The following LRP6 variants were observed in gnomAD, a reference collection of about 807,000 sequenced individuals.
LRP6 encodes the protein LDL receptor related protein 6.
A neutral mutation model predicts 184.1 loss-of-function variants in LRP6; 43 were observed. That is an observed-to-expected ratio of 0.23 (90% CI 0.18 to 0.30). The LOEUF is 0.30. Ranked by LOEUF, LRP6 falls within the 10% of genes least tolerant of loss-of-function variation. The pLI, the probability that LRP6 is intolerant of heterozygous loss-of-function variation, is 1.00. For synonymous variants in LRP6, 719 were observed against 684.9 expected, an observed-to-expected ratio of 1.05 and a Z score of -0.78; for missense variants, 1,571 against 2,005.3, an observed-to-expected ratio of 0.78 and a Z score of 4.14.
At chr12:12,168,033 GTAAC>G (rs1357927990) in intron 7 of LRP6, among the ~76,000 whole-genome samples, 1 of 152,032 alleles carries the variant, frequency 6.6e-6, no homozygotes, top group African/African-American at 2.4e-5. Context: ...TAGATATAAA[GTAAC>G]TAAAACAGTA....
intron 7 of LRP6, among the ~76,000 whole-genome samples, chr12:12,173,118 C>A (rs1395171443): frequency 1.3e-5 from 2 of 152,158 alleles, no homozygotes; most frequent in Non-Finnish European, 2.9e-5. Flanking sequence ...CTTTCTAAAA[C>A]CTGAATTACT....
At chr12:12,192,815 A>C (rs920294210) in intron 3 of LRP6, among the ~76,000 whole-genome samples, 2 of 152,056 alleles carry the variant, frequency 1.3e-5, no homozygotes, top group Admixed American at 1.3e-4. Flanking sequence ...CCCTATTCTC[A>C]CTAAAGGAAA....
chr12:12,206,391 A>T (rs1246500561), intron 2 of LRP6, among the ~76,000 whole-genome samples: 2 of 151,934 alleles, frequency 1.3e-5, no homozygotes, highest in African/African-American at 4.8e-5. Context: ...AAATACAAAA[A>T]AATTAGCCAG....
chr12:12,200,266 G>C (rs1361783450), intron 3 of LRP6, among the ~76,000 whole-genome samples: 1 of 152,106 alleles, frequency 6.6e-6, no homozygotes, highest in African/African-American at 2.4e-5. Context: ...CTGGAGAATG[G>C]AATCCACATT....
intron 2 of LRP6, 45 bp downstream of exon 2, chr12:12,244,217 C>T (rs768422994): frequency 8.1e-6 from 13 of 1,607,662 alleles, no homozygotes; most frequent in Admixed American, 1.7e-5. Flanking sequence ...TGGAGAAAAA[C>T]CGAAAGGAGG....
chr12:12,207,337 T>C (rs188891845), intron 2 of LRP6, among the ~76,000 whole-genome samples: 2 of 139,092 alleles, frequency 1.4e-5, no homozygotes, highest in African/African-American at 5.5e-5. Flanking sequence ...GCCAACATGG[T>C]AAAAACCCTG....
At chr12:12,151,629 C>A (rs1313985200) in intron 12 of LRP6, among the ~76,000 whole-genome samples, 5 of 152,106 alleles carry the variant, frequency 3.3e-5, no homozygotes, top group Non-Finnish European at 7.4e-5. Flanking sequence ...AAGAATTTTA[C>A]AACGTATATG....
chr12:12,155,788 T>C (rs965612173), intron 12 of LRP6: 2 of 785,054 alleles, frequency 2.5e-6, no homozygotes, highest in African/African-American at 3.6e-5. Flanking sequence ...GTTAAAAAAA[T>C]AAAAGACTTC....
At chr12:12,228,504 T>A (rs572231666) in intron 2 of LRP6, among the ~76,000 whole-genome samples, 1 of 152,284 alleles carries the variant, frequency 6.6e-6, no homozygotes, top group African/African-American at 2.4e-5. Flanking sequence ...GACTGTGCCC[T>A]TCTCTAGTGC....
At chr12:12,221,709 C>T (rs1864494939) in intron 2 of LRP6, among the ~76,000 whole-genome samples, 1 of 152,172 alleles carries the variant, frequency 6.6e-6, no homozygotes, top group South Asian at 2.1e-4. Flanking sequence ...TTCTCAAGCA[C>T]CTGTTTATCC....
intron 3 of LRP6, among the ~76,000 whole-genome samples, chr12:12,196,615 A>G (rs1863770169): frequency 6.6e-6 from 1 of 151,480 alleles, no homozygotes; most frequent in Non-Finnish European, 1.5e-5. Flanking sequence ...TAGAGCGTTC[A>G]AGTCTCTTTT....
At chr12:12,165,395 C>T (rs1862853416) in intron 7 of LRP6, 100 bp from the exon 8 acceptor site, 1 of 835,936 alleles carries the variant, frequency 1.2e-6, no homozygotes, top group Admixed American at 1.7e-5. Context: ...ATCCAAGAGT[C>T]ATCTTGGTAT....
intron 1 of LRP6, among the ~76,000 whole-genome samples, chr12:12,261,826 G>A (rs960300699): frequency 6.6e-6 from 1 of 152,096 alleles, no homozygotes; most frequent in African/African-American, 2.4e-5. Context: ...TTTAAAGGAA[G>A]AAAGGATCGC....
intron 20 of LRP6, among the ~76,000 whole-genome samples, chr12:12,125,822 G>A (rs1949664775): frequency 2.6e-5 from 4 of 152,084 alleles, no homozygotes; most frequent in Non-Finnish European, 4.4e-5. Flanking sequence ...CATTTTTAGG[G>A]CACAAACAAC....
chr12:12,239,049 G>T (rs1864990809), intron 2 of LRP6, among the ~76,000 whole-genome samples: 1 of 152,116 alleles, frequency 6.6e-6, no homozygotes, highest in African/African-American at 2.4e-5. Flanking sequence ...ATTTATCTTG[G>T]TCAAAGGCCT....
chr12:12,252,991 G>A (rs946155321), intron 1 of LRP6, among the ~76,000 whole-genome samples: 17 of 152,172 alleles, frequency 1.1e-4, no homozygotes, highest in Admixed American at 1.0e-3. Context: ...TCGGCTGGGC[G>A]CAGTTGCTCA....
In LRP6 at chr12:12,185,840, G is replaced by T. The variant is rs528004443; in HGVS notation, c.844+1083C>A. Among the ~76,000 whole-genome samples, 21 of 107,186 alleles carry T rather than the reference G, an allele frequency of 2.0e-4. No homozygotes were observed. The South Asian group carries it at 7.1e-3, about 36-fold the overall frequency. 70.3% of individuals were successfully genotyped at this position (107,186 alleles called of 152,430 possible). On this transcript the variant is annotated intron_variant, in intron 4 of 22. Coordinates refer to ENST00000261349, the MANE Select transcript of LRP6 (RefSeq NM_002336.3). ...AAGAGGCGTTTTTGTGTGTGTGTGT[G>T]TTTTTTGTTTTTTTTTTTTTTGAGA... is the stretch of plus-strand genomic sequence containing the variant.
intron 2 of LRP6, among the ~76,000 whole-genome samples, chr12:12,223,020 T>C (rs1835743503): frequency 6.6e-6 from 1 of 151,986 alleles, no homozygotes; most frequent in Admixed American, 6.6e-5. Context: ...GATGACACAG[T>C]CCAACACCAA....
At chr12:12,173,684 C>A (rs1169680749) in intron 7 of LRP6, among the ~76,000 whole-genome samples, 1 of 151,952 alleles carries the variant, frequency 6.6e-6, no homozygotes, top group Non-Finnish European at 1.5e-5. Flanking sequence ...ACTATATTAC[C>A]CAGGCTGGTT....
Sources: gnomAD v4.1 joint callset for allele counts (sites outside exome capture counted in the v4.1 genomes callset) on GRCh38, gnomAD v4.1.1 for gene constraint, MANE v1.5 for transcripts, NCBI Gene and HGNC (gene_info 2026-07-23, HGNC 2026-07-21) for gene names.